Variants in HELZ observed in about 807,000 individuals in gnomAD.
HELZ encodes the protein helicase with zinc finger.
Under a neutral mutation model 218.2 loss-of-function variants are expected in HELZ, and 23 were observed. That is an observed-to-expected ratio of 0.11 (90% confidence interval 0.08 to 0.15). The LOEUF is 0.15. Among genes scored for constraint, HELZ ranks in the 10% least tolerant of loss-of-function variants. The probability of loss-of-function intolerance (pLI) is 1.00; values close to 1 mark genes in which losing one functional copy is unlikely to be tolerated. For missense variants in HELZ, 1,813 were observed against 2,353.7 expected (o/e 0.77, Z 4.75); for synonymous variants, 814 against 829.4 (o/e 0.98, Z 0.32).
chr17:67,177,852 CTCTTAA>C lies in HELZ; in HGVS notation c.1430+801_1430+806del, dbSNP rs1214602721. Reference sequence around the variant, plus strand: ...CACTTTCTTTTCCTTTCTGAATATACTCTTAATGAGTGTTCAGTATTTATTAATAAT... The same window carrying C: ...CACTTTCTTTTCCTTTCTGAATATACTGAGTGTTCAGTATTTATTAATAAT... On this transcript the variant is annotated intron_variant, in intron 13 of 32. Transcript: ENST00000358691. Among the ~76,000 whole-genome samples the C allele has an allele frequency of 3.2e-4, 48 of 152,122 alleles. 1 individual carries two copies. The highest frequency in any genetic ancestry group is 1.1e-3 in the African/African-American group (46 of 41,510).
At chr17:67,080,246 T>G (rs1001764275) in intron 32 of HELZ, among the ~76,000 whole-genome samples, 1 of 152,226 alleles carries the variant, frequency 6.6e-6, no homozygotes, top group African/African-American at 2.4e-5. Flanking sequence ...TGATCATACT[T>G]TTATTATTAC....
intron 4 of HELZ, among the ~76,000 whole-genome samples, chr17:67,217,042 C>T (rs751999558): frequency 6.6e-6 from 1 of 152,146 alleles, no homozygotes; most frequent in African/African-American, 2.4e-5. Flanking sequence ...GCACTTCTAT[C>T]CCACAGTCTT....
At chr17:67,212,506 T>C (rs1339181162) in intron 5 of HELZ, among the ~76,000 whole-genome samples, 1 of 152,002 alleles carries the variant, frequency 6.6e-6, no homozygotes. Flanking sequence ...CTTCATCTTA[T>C]ACAAAAATAA....
At chr17:67,085,674 G>A (rs2036347683) in intron 32 of HELZ, among the ~76,000 whole-genome samples, 1 of 151,992 alleles carries the variant, frequency 6.6e-6, no homozygotes, top group African/African-American at 2.4e-5. Context: ...AACAAAATTT[G>A]TTTCAAATAA....
chr17:67,135,889 G>T (rs1219408382), intron 23 of HELZ, 81 bp downstream of exon 23: 2 of 1,115,758 alleles, frequency 1.8e-6, no homozygotes, highest in Non-Finnish European at 2.6e-6. Context: ...TAGCCAGAAG[G>T]TCATATGAAT....
At chr17:67,204,608 AAAT>A (rs1346047532) in intron 5 of HELZ, among the ~76,000 whole-genome samples, 3 of 152,234 alleles carry the variant, frequency 2.0e-5, no homozygotes, top group Non-Finnish European at 2.9e-5. Context: ...TAACTATTAA[AAAT>A]AATGCCATAA....
Position 67,194,028 on chromosome 17 carries a change from A to C in HELZ, c.496T>G (p.Trp166Gly). The C allele has an allele frequency of 6.2e-7, 1 of 1,612,310 alleles. No individual in the cohort carries two copies. Reference sequence around the variant, plus strand: ...CCCCTAGGTGGTGGGCGGAAATGCCAACCATTACAAGACCCTAGGGAGTAA... The same window carrying C: ...CCCCTAGGTGGTGGGCGGAAATGCCCACCATTACAAGACCCTAGGGAGTAA... ...EDLDEGSCNG[W>G]HFRPPPRGIT... The change falls in exon 9 of 33, where the codon TGG (tryptophan) becomes GGG (glycine). Residue 166 changes from tryptophan (W) to glycine (G), a missense_variant. Physicochemically the swap from Trp to Gly is radical, Grantham distance 184. This residue lies in a region of HELZ where 714 missense variants were observed against 1,029.2 expected (regional missense o/e 0.69). Transcript: ENST00000358691.
At chr17:67,194,418 G>A (rs1282538446) in intron 8 of HELZ, among the ~76,000 whole-genome samples, 2 of 152,124 alleles carry the variant, frequency 1.3e-5, no homozygotes, top group African/African-American at 4.8e-5. Context: ...AAAAATCATT[G>A]TATCCTGGAA....
At chr17:67,208,085 T>C (rs1216667311) in intron 5 of HELZ, among the ~76,000 whole-genome samples, 1 of 152,132 alleles carries the variant, frequency 6.6e-6, no homozygotes, top group African/African-American at 2.4e-5. Flanking sequence ...ATATGCTATA[T>C]GATTCCATTT....
chr17:67,238,535 AGCTGGGCATGGTGGCGG>A (rs2041245400), intron 3 of HELZ, among the ~76,000 whole-genome samples: 1 of 152,020 alleles, frequency 6.6e-6, no homozygotes, highest in South Asian at 2.1e-4. Context: ...TACAAAAAGT[AGCTGGGCATGGTGGCGG>A]GCGCCTGTAA....
Position 67,185,644 on chromosome 17 carries a change from G to T in HELZ, c.1162+2675C>A, listed in dbSNP as rs188467202. On this transcript the variant is annotated intron_variant, in intron 12 of 32. Transcript: ENST00000358691. Reference sequence around the variant, plus strand: ...CTTTCAAAATCTTACATAAGAAAATGCATTTTGTAGATTTCATACTGTTTG... The same window carrying T: ...CTTTCAAAATCTTACATAAGAAAATTCATTTTGTAGATTTCATACTGTTTG... Among the ~76,000 whole-genome samples, 249 of 152,196 alleles carry T rather than the reference G, an allele frequency of 1.6e-3. 2 individuals carry two copies. Among genetic ancestry groups the T allele is most frequent in the African/African-American group, 5.7e-3 (237 of 41,530 alleles).
chr17:67,143,608 C>CA (rs1343372440), intron 21 of HELZ, among the ~76,000 whole-genome samples: 6 of 142,932 alleles, frequency 4.2e-5, no homozygotes, highest in African/African-American at 1.0e-4. Context: ...GACTCTGTCT[C>CA]AAAAAAACAA....
At chr17:67,080,267 T>G (rs1319202166) in intron 32 of HELZ, among the ~76,000 whole-genome samples, 8 of 152,226 alleles carry the variant, frequency 5.3e-5, no homozygotes, top group Non-Finnish European at 1.2e-4. Flanking sequence ...TAAATTCTTT[T>G]GTGCATTGAA....
chr17:67,220,752 A>G (rs1033337701), intron 3 of HELZ, among the ~76,000 whole-genome samples: 6 of 152,038 alleles, frequency 3.9e-5, no homozygotes, highest in African/African-American at 1.5e-4. Context: ...TCAGCCAACC[A>G]AAGTGCTAGG....
rs767183120 is a variant in HELZ, at chr17:67,114,296, A to T, written c.3918+28T>A. 4 of 1,458,318 alleles carry T rather than the reference A, an allele frequency of 2.7e-6. No homozygotes were observed. The South Asian group carries it at 4.6e-5, about 17-fold the overall frequency. 90.3% of individuals were successfully genotyped at this position (1,458,318 alleles called of 1,614,324 possible). A position where few individuals can be genotyped will look rare whatever the true frequency, so the allele number is the denominator to read the frequency against. The stretch of plus-strand genomic sequence containing the variant: ...GATGACCAATCAGACTAAATCCACT[A>T]GGACAACACAGTAACTAAGCAGCAT... On this transcript the variant is annotated intron_variant, in intron 28 of 32. Coordinates refer to ENST00000358691, the MANE Select transcript of HELZ (RefSeq NM_014877.4).
chr17:67,106,812 C>T (rs2037118308), intron 31 of HELZ, among the ~76,000 whole-genome samples: 1 of 152,106 alleles, frequency 6.6e-6, no homozygotes, highest in Admixed American at 6.5e-5. Flanking sequence ...TTGGAAAGTT[C>T]TCATTAACAA....
At chr17:67,180,902 T>A (rs1351442969) in intron 12 of HELZ, among the ~76,000 whole-genome samples, 21 of 119,870 alleles carry the variant, frequency 1.8e-4, no homozygotes, top group African/African-American at 2.8e-4. Context: ...AAAAAAAAAA[T>A]TTTAGCCAGG....
chr17:67,109,706 C>CT lies in HELZ; in HGVS notation c.3919-21dup, dbSNP rs776874419. On this transcript the variant is annotated intron_variant, in intron 28 of 32. Transcript: ENST00000358691. ...ATCAACCTAGAAAAAAAGAAGAAGCCTTTTTTAACTGCAGAAGATTCAAAT... is the reference window on the plus strand; with the variant it reads ...ATCAACCTAGAAAAAAAGAAGAAGCCTTTTTTTAACTGCAGAAGATTCAAAT... 1.9e-6 allele frequency: 3 copies of CT among 1,563,276 alleles called. No homozygotes were observed. Among genetic ancestry groups the CT allele is most frequent in the African/African-American group, 1.4e-5 (1 of 73,386 alleles).
chr17:67,083,913 C>CCAAA (rs1334540708), intron 32 of HELZ, among the ~76,000 whole-genome samples: 3 of 152,150 alleles, frequency 2.0e-5, no homozygotes, highest in Admixed American at 1.3e-4. Context: ...TTTAAAAAGG[C>CCAAA]CAAAGATGGG....
Sources: gnomAD v4.1 joint callset for allele counts (sites outside exome capture counted in the v4.1 genomes callset) on GRCh38, gnomAD v4.1.1 for gene constraint, gnomAD v4.1.1 regional missense constraint, MANE v1.5 for transcripts, NCBI Gene and HGNC (gene_info 2026-07-23, HGNC 2026-07-21) for gene names.